CNTLN: variants seen among roughly 807,000 people sequenced by gnomAD.
The protein encoded by CNTLN is centlein, centrosomal protein.
Under a neutral mutation model 180.0 loss-of-function variants are expected in CNTLN, and 212 were observed. The ratio of observed to expected loss-of-function variants is 1.18; its 90% CI spans 1.05 to 1.32. The LOEUF is 1.32. CNTLN is among the 40% of genes most tolerant of loss of function. The pLI is 0.00. For synonymous variants in CNTLN, 722 were observed against 563.1 expected (o/e 1.28, Z -3.99); for missense variants, 2,095 against 1,610.9 (o/e 1.30, Z -5.14).
chr9:17,503,778 G>C lies in CNTLN; in HGVS notation c.*1126G>C, dbSNP rs181457679. The C allele has an allele frequency of 1.5e-3, 233 of 152,724 alleles. 2 individuals carry two copies. Among genetic ancestry groups the C allele is most frequent in the South Asian group, 4.1e-4 (2 of 4,834 alleles). The allele number at this position is 152,724 out of a possible 1,614,324, so 9.5% of individuals were successfully genotyped here. ...GCAGGGCGAATCTGGCCTGCCACCT[G>C]TTTTGTATGGCCCACAAGCTAAGAA... On this transcript the variant is annotated 3_prime_UTR_variant, in exon 26 of 26. Transcript: ENST00000380647.
At chr9:17,386,505 T>C (rs1182277117) in intron 13 of CNTLN, among the ~76,000 whole-genome samples, 1 of 152,232 alleles carries the variant, frequency 6.6e-6, no homozygotes, top group Admixed American at 6.5e-5. Flanking sequence ...TAGGTCTTGT[T>C]GGTTTATTTC....
intron 2 of CNTLN, among the ~76,000 whole-genome samples, chr9:17,153,248 G>A (rs945670571): frequency 6.6e-6 from 1 of 152,146 alleles, no homozygotes; most frequent in African/African-American, 2.4e-5. Context: ...TCTTCATAGT[G>A]TCAATGTTCT....
intron 6 of CNTLN, among the ~76,000 whole-genome samples, chr9:17,295,571 C>G (rs1332138457): frequency 1.3e-5 from 2 of 152,134 alleles, no homozygotes; most frequent in African/African-American, 2.4e-5. Context: ...GCAGGATTCA[C>G]TCATTGTTTT....
chr9:17,155,784 G>GAAAAA (rs905831769), intron 2 of CNTLN, among the ~76,000 whole-genome samples: 1 of 145,972 alleles, frequency 6.9e-6, no homozygotes, highest in Non-Finnish European at 1.5e-5. Flanking sequence ...GTAGGGTATG[G>GAAAAA]AAAAAAAAAA....
At chr9:17,478,173 A>C (rs746291453) in intron 23 of CNTLN, among the ~76,000 whole-genome samples, 27 of 152,258 alleles carry the variant, frequency 1.8e-4, no homozygotes, top group Non-Finnish European at 3.2e-4. Context: ...ATGCTATTGA[A>C]TGCTTATAAA....
intron 16 of CNTLN, among the ~76,000 whole-genome samples, chr9:17,413,057 T>G (rs1319778130): frequency 1.3e-5 from 2 of 152,104 alleles, no homozygotes; most frequent in African/African-American, 4.8e-5. Flanking sequence ...ATGTCAAGAC[T>G]GATGGCACCG....
intron 5 of CNTLN, among the ~76,000 whole-genome samples, chr9:17,263,128 G>C (rs972781103): frequency 1.3e-5 from 2 of 149,918 alleles, no homozygotes; most frequent in Admixed American, 6.6e-5. Flanking sequence ...TGCCATGTTG[G>C]TGTGCTGCAC....
chr9:17,306,785 GATTA>G (rs1818746392), intron 7 of CNTLN, among the ~76,000 whole-genome samples: 2 of 152,110 alleles, frequency 1.3e-5, no homozygotes, highest in Admixed American at 1.3e-4. Flanking sequence ...ACCTCAGAGG[GATTA>G]ATTTGTACTG....
chr9:17,360,626 G>A (rs770808651), intron 12 of CNTLN, among the ~76,000 whole-genome samples: 2 of 152,148 alleles, frequency 1.3e-5, no homozygotes, highest in Non-Finnish European at 2.9e-5. Flanking sequence ...GCACAGATGG[G>A]CTTAGGAGAA....
At chr9:17,342,073 G>C (rs1214691431) in intron 11 of CNTLN, among the ~76,000 whole-genome samples, 1 of 152,078 alleles carries the variant, frequency 6.6e-6, no homozygotes, top group Non-Finnish European at 1.5e-5. Context: ...GACTGAATGG[G>C]AGCAATAGAC....
At chr9:17,477,915 A>G (rs1393799846) in intron 23 of CNTLN, among the ~76,000 whole-genome samples, 1 of 152,222 alleles carries the variant, frequency 6.6e-6, no homozygotes. Context: ...ACAGCATCAC[A>G]TGCTATAGAG....
At chr9:17,326,891 A>T (rs1027037107) in intron 8 of CNTLN, among the ~76,000 whole-genome samples, 2 of 152,174 alleles carry the variant, frequency 1.3e-5, no homozygotes, top group African/African-American at 4.8e-5. Flanking sequence ...GAGCTCTAGG[A>T]GATATAGGAA....
Position 17,259,257 on chromosome 9 carries a change from G to T in CNTLN, c.850-14476G>T, listed in dbSNP as rs539429426. Among the ~76,000 whole-genome samples, 47 of 149,056 alleles carry T rather than the reference G, an allele frequency of 3.2e-4. 3 individuals are homozygous for T. The highest frequency in any genetic ancestry group is 1.1e-3 in the African/African-American group (45 of 39,296). On this transcript the variant is annotated intron_variant, in intron 5 of 25. Transcript: ENST00000380647. ...TCATGTGGTTTTTGTCTTTGGTTCT[G>T]TTTATATGCTGGATTACATTTATTG...
chr9:17,163,014 A>G (rs1176034093), intron 2 of CNTLN, among the ~76,000 whole-genome samples: 3 of 152,210 alleles, frequency 2.0e-5, no homozygotes, highest in Non-Finnish European at 4.4e-5. Flanking sequence ...TTGATTCACA[A>G]TTCCACATGG....
chr9:17,271,667 G>C (rs1193364175), intron 5 of CNTLN, among the ~76,000 whole-genome samples: 1 of 152,024 alleles, frequency 6.6e-6, no homozygotes, highest in East Asian at 1.9e-4. Context: ...TTTGCTCCCA[G>C]GCCATATCCC....
chr9:17,359,416 C>A (rs183698252), intron 12 of CNTLN, among the ~76,000 whole-genome samples: 295 of 151,872 alleles, frequency 1.9e-3, no homozygotes, highest in African/African-American at 6.6e-3. Flanking sequence ...TTAAAAAATA[C>A]CATTAAACGA....
intron 8 of CNTLN, among the ~76,000 whole-genome samples, chr9:17,321,032 A>C (rs1167019987): frequency 2.0e-5 from 3 of 152,174 alleles, no homozygotes; most frequent in African/African-American, 7.2e-5. Flanking sequence ...TTTGTTTTTC[A>C]AAACAAATTT....
intron 13 of CNTLN, among the ~76,000 whole-genome samples, chr9:17,374,452 G>T (rs1327510304): frequency 3.3e-5 from 5 of 152,106 alleles, no homozygotes; most frequent in Admixed American, 6.5e-5. Context: ...TTATCCACAA[G>T]ACAGGCAATA....
At chr9:17,447,022 A>G (rs1188573066) in intron 18 of CNTLN, 1 of 153,692 alleles carries the variant, frequency 6.5e-6, no homozygotes, top group Admixed American at 6.5e-5. Context: ...AAAATTTATG[A>G]ATGCGGTATT....
Sources: allele counts gnomAD v4.1 joint callset (sites outside exome capture counted in the v4.1 genomes callset), GRCh38; gene constraint gnomAD v4.1.1; transcripts MANE v1.5; gene names NCBI Gene and HGNC (gene_info 2026-07-23, HGNC 2026-07-21).